Variants in CCR3 observed in about 807,000 individuals in gnomAD.
CCR3 encodes C-C motif chemokine receptor 3, also known as C-C chemokine receptor type 3.
For missense variants in CCR3, 419 were observed against 437.5 expected, an observed-to-expected ratio of 0.96 and a Z score of 0.38; for synonymous variants, 203 against 179.2, an observed-to-expected ratio of 1.13 and a Z score of -1.06.
intron 1 of CCR3, among the ~76,000 whole-genome samples, chr3:46,250,288 G>A (rs1045997873): frequency 1.3e-5 from 2 of 152,118 alleles, no homozygotes; most frequent in African/African-American, 4.8e-5. Flanking sequence ...AAGATTACAG[G>A]GTGGAGGAGT....
At chr3:46,229,378 G>C (rs756766606) in intron 2 of CCR3, among the ~76,000 whole-genome samples, 8 of 152,184 alleles carry the variant, frequency 5.3e-5, no homozygotes, top group Non-Finnish European at 1.0e-4. Context: ...GTACATTTCA[G>C]AGTTTGTTTT....
intron 1 of CCR3, chr3:46,263,922 A>C (rs977830092): frequency 6.5e-6 from 1 of 154,458 alleles, no homozygotes. Flanking sequence ...GTTATTAAGC[A>C]TTTCTCAGAT....
chr3:46,242,381 C>G (rs1700098329), upstream of CCR3: 1 of 152,188 alleles, frequency 6.6e-6, no homozygotes, highest in Non-Finnish European at 1.5e-5. Context: ...TGTCTGTGAT[C>G]TGATGGTATC....
chr3:46,252,321 G>C (rs973937149), intron 1 of CCR3, among the ~76,000 whole-genome samples: 5 of 151,456 alleles, frequency 3.3e-5, no homozygotes, highest in African/African-American at 4.9e-5. Context: ...AATTACAGGG[G>C]TGCACCACTA....
At chr3:46,248,987 G>A (rs1432841695) in intron 1 of CCR3, among the ~76,000 whole-genome samples, 1 of 152,192 alleles carries the variant, frequency 6.6e-6, no homozygotes, top group Admixed American at 6.5e-5. Flanking sequence ...GCTTTAAAAG[G>A]CCATGCCTTA....
intron 2 of CCR3, among the ~76,000 whole-genome samples, chr3:46,213,597 A>C (rs1699741040): frequency 6.6e-6 from 1 of 152,204 alleles, no homozygotes; most frequent in Admixed American, 6.5e-5. Context: ...ATAGCCAAGT[A>C]GTTTCTTGAA....
intron 1 of CCR3, chr3:46,264,226 AGG>A: frequency 1.7e-6 from 1 of 587,454 alleles, no homozygotes; most frequent in Non-Finnish European, 3.0e-6. Flanking sequence ...AGAAGCTCCC[AGG>A]GGTTTGCTTT....
intron 2 of CCR3, among the ~76,000 whole-genome samples, chr3:46,220,546 T>C (rs1699824816): frequency 6.6e-6 from 1 of 152,232 alleles, no homozygotes; most frequent in African/African-American, 2.4e-5. Context: ...AAAAGGCACC[T>C]GCACATGCAT....
chr3:46,264,781 CG>C, intron 1 of CCR3: 1 of 360,970 alleles, frequency 2.8e-6, no homozygotes, highest in South Asian at 4.2e-5. Context: ...TGCAAAATGC[CG>C]TAAGAGACAG....
At chr3:46,249,122 G>A (rs190948907) in intron 1 of CCR3, among the ~76,000 whole-genome samples, 1 of 152,250 alleles carries the variant, frequency 6.6e-6, no homozygotes, top group African/African-American at 2.4e-5. Flanking sequence ...TGGTCGCCAA[G>A]GAGGGAGTAG....
chr3:46,239,391 G>A (rs959770138), upstream of CCR3, among the ~76,000 whole-genome samples: 1 of 152,220 alleles, frequency 6.6e-6, no homozygotes, highest in African/African-American at 2.4e-5. Context: ...ACTCTGCAGA[G>A]ATGTCATTTG....
At chr3:46,230,429 C>G (rs1699949225) in intron 2 of CCR3, among the ~76,000 whole-genome samples, 1 of 152,074 alleles carries the variant, frequency 6.6e-6, no homozygotes, top group Non-Finnish European at 1.5e-5. Context: ...TATGTAACCC[C>G]TCATGCCACA....
rs1369636006 is a variant in CCR3, at chr3:46,265,571, C to CTGTG, written c.415_418dup (p.Phe140CysfsTer30). 1.2e-6 allele frequency: 2 copies of CTGTG among 1,614,128 alleles called. No individual in the cohort carries two copies. Among genetic ancestry groups the CTGTG allele is most frequent in the South Asian group, 2.2e-5 (2 of 91,078 alleles). ...GACAGGTACCTGGCCATTGTCCATG[C>CTGTG]TGTGTTTGCCCTTCGAGCCCGGACT... is the stretch of plus-strand genomic sequence containing the variant. On this transcript the variant is annotated frameshift_variant, in exon 2 of 2. Transcript: ENST00000395940. LOFTEE classifies it low-confidence loss of function (END_TRUNC).
chr3:46,253,047 A>T (rs975990793), intron 1 of CCR3, among the ~76,000 whole-genome samples: 1 of 152,036 alleles, frequency 6.6e-6, no homozygotes, highest in Non-Finnish European at 1.5e-5. Context: ...CCATCTCCAG[A>T]GACTCTGATT....
intron 1 of CCR3, among the ~76,000 whole-genome samples, chr3:46,263,096 G>A (rs116495494): frequency 7.1e-4 from 108 of 152,204 alleles, no homozygotes; most frequent in African/African-American, 2.5e-3. Flanking sequence ...AAACCAAAAG[G>A]TTCTATGGTT....
At chr3:46,219,753 C>A (rs925727320) in intron 2 of CCR3, among the ~76,000 whole-genome samples, 7 of 152,202 alleles carry the variant, frequency 4.6e-5, no homozygotes, top group Admixed American at 2.6e-4. Flanking sequence ...GACACCCTTT[C>A]CAACGAATGG....
At chr3:46,217,815 C>T (rs557464684) in intron 2 of CCR3, among the ~76,000 whole-genome samples, 37 of 151,850 alleles carry the variant, frequency 2.4e-4, no homozygotes, top group African/African-American at 7.5e-4. Flanking sequence ...ACAGCAAAAG[C>T]GGTGCTAAGA....
chr3:46,236,677 T>TCCC (rs1700028556), intron 2 of CCR3, among the ~76,000 whole-genome samples: 1 of 152,068 alleles, frequency 6.6e-6, no homozygotes, highest in Non-Finnish European at 1.5e-5. Flanking sequence ...CACACTGGGG[T>TCCC]CCCCAGGATG....
chr3:46,246,594 A>G (rs1399615052), intron 1 of CCR3, among the ~76,000 whole-genome samples: 1 of 151,952 alleles, frequency 6.6e-6, no homozygotes, highest in Non-Finnish European at 1.5e-5. Flanking sequence ...TTTGTGGTGG[A>G]ATGTCATCAG....
Sources: gnomAD v4.1 joint callset for allele counts (sites outside exome capture counted in the v4.1 genomes callset) on GRCh38, gnomAD v4.1.1 for gene constraint, MANE v1.5 for transcripts, NCBI Gene and HGNC (gene_info 2026-07-23, HGNC 2026-07-21) for gene names.